Variants in ZNF678 observed in about 807,000 individuals in gnomAD.
The protein encoded by ZNF678 is hypothetical protein MGC42493.
In ZNF678, 5 loss-of-function variants were observed where a neutral mutation model predicts 3.0. The observed-to-expected ratio is 1.69, with a 90% CI of 0.88 to 3.56. The LOEUF is 3.56. ZNF678 is among the 30% of genes most tolerant of loss of function. The pLI, the probability that ZNF678 is intolerant of heterozygous loss-of-function variation, is 0.00. For synonymous variants in ZNF678, 218 were observed against 199.6 expected (o/e 1.09, Z -0.78); for missense variants, 593 against 605.0 (o/e 0.98, Z 0.21).
chr1:227,579,411 G>A (rs1416315378), intron 1 of ZNF678, among the ~76,000 whole-genome samples: 1 of 152,106 alleles, frequency 6.6e-6, no homozygotes, highest in African/African-American at 2.4e-5. Flanking sequence ...TTAGTGCAAG[G>A]GTGGGGTGCT....
chr1:227,586,060 C>T (rs529484670), intron 1 of ZNF678, among the ~76,000 whole-genome samples: 8 of 152,000 alleles, frequency 5.3e-5, no homozygotes, highest in Non-Finnish European at 8.8e-5. Flanking sequence ...AGATGATTTG[C>T]GCTACAGGTC....
intron 1 of ZNF678, among the ~76,000 whole-genome samples, chr1:227,645,354 T>C (rs930216868): frequency 4.6e-5 from 7 of 152,214 alleles, no homozygotes; most frequent in Admixed American, 3.3e-4. Flanking sequence ...GGGTCAGCTG[T>C]TTCTCCAGAA....
chr1:227,603,953 G>T (rs1245603338), intron 1 of ZNF678, among the ~76,000 whole-genome samples: 1 of 152,128 alleles, frequency 6.6e-6, no homozygotes, highest in African/African-American at 2.4e-5. Flanking sequence ...TCAGTCTTTT[G>T]CTTCTGGTTT....
At chr1:227,670,997 A>G (rs897504523) in intron 5 of ZNF678, among the ~76,000 whole-genome samples, 1 of 138,730 alleles carries the variant, frequency 7.2e-6, no homozygotes, top group Non-Finnish European at 1.5e-5. Flanking sequence ...CAGCATTTTC[A>G]TATTTGTAGA....
chr1:227,571,116 T>C (rs1385060853), intron 1 of ZNF678, among the ~76,000 whole-genome samples: 1 of 152,228 alleles, frequency 6.6e-6, no homozygotes, highest in East Asian at 1.9e-4. Context: ...AAAATAATAG[T>C]ATCAATGTAT....
At chr1:227,666,968 C>A (rs924143750), downstream of ZNF678, among the ~76,000 whole-genome samples, 3 of 151,622 alleles carry the variant, frequency 2.0e-5, no homozygotes, top group Non-Finnish European at 4.4e-5. Context: ...TGGTCTTGAA[C>A]TCCAGACCTC....
chr1:227,619,285 A>G (rs1214546026), intron 1 of ZNF678, among the ~76,000 whole-genome samples: 1 of 152,148 alleles, frequency 6.6e-6, no homozygotes, highest in African/African-American at 2.4e-5. Context: ...AAACAGTAAA[A>G]TGTTTCTGTT....
intron 1 of ZNF678, among the ~76,000 whole-genome samples, chr1:227,630,256 C>T (rs957740759): frequency 7.9e-5 from 12 of 152,314 alleles, no homozygotes; most frequent in East Asian, 1.9e-4. Flanking sequence ...AATTCTTAGG[C>T]TTCTTCCTAG....
At position 227,655,541 on chromosome 1, in the gene ZNF678, A is replaced by G. The variant is rs149486571; in HGVS notation, c.1291A>G (p.Lys431Glu). 31 of 1,612,594 alleles carry G rather than the reference A, an allele frequency of 1.9e-5. No individual in the cohort carries two copies. The highest frequency in any genetic ancestry group is 2.5e-5 in the Non-Finnish European group (29 of 1,179,410). The change falls in exon 4 of 4, where the codon AAA (lysine) becomes GAA (glutamate). Residue 431 changes from lysine (K) to glutamate (E), a missense_variant. Physicochemically the swap from Lys to Glu is moderately conservative, Grantham distance 56 (BLOSUM62 1). Coordinates refer to ENST00000343776, the MANE Select transcript of ZNF678 (RefSeq NM_001367909.1). ...TSHKRIHTGE[K>E]PYKCKECGKA... ...CCATAAGAGAATTCATACTGGAGAG[A>G]AACCCTACAAATGTAAAGAATGTGG...
intron 1 of ZNF678, among the ~76,000 whole-genome samples, chr1:227,623,808 T>C (rs1658341988): frequency 6.6e-6 from 1 of 152,194 alleles, no homozygotes; most frequent in Non-Finnish European, 1.5e-5. Context: ...GAGCTTTTAT[T>C]CTCCGTGGAA....
chr1:227,655,281 C>T lies in ZNF678; in HGVS notation c.1031C>T (p.Thr344Ile), dbSNP rs1043997676. Reference sequence around the variant, plus strand: ...CTAAGTAGCCATAAGAGAATTCATACTGGAGAGAAACCCTACAAATGTGAA... The same window carrying T: ...CTAAGTAGCCATAAGAGAATTCATATTGGAGAGAAACCCTACAAATGTGAA... ...SHLSSHKRIH[T>I]GEKPYKCEEC... Residue 344 changes from threonine (T) to isoleucine (I), a missense_variant, in exon 4 of 4, where the codon ACT becomes ATT. Physicochemically the swap from Thr to Ile is moderately conservative, Grantham distance 89 (BLOSUM62 -1). Coordinates refer to ENST00000343776, the MANE Select transcript of ZNF678 (RefSeq NM_001367909.1). 6.2e-7 allele frequency: 1 copy of T among 1,611,196 alleles called. No individual in the cohort carries two copies. Among genetic ancestry groups the T allele is most frequent in the East Asian group, 2.2e-5 (1 of 44,800 alleles).
At position 227,654,880 on chromosome 1, in the gene ZNF678, A is replaced by C. The variant is rs1272901699; in HGVS notation, c.630A>C (p.Pro210=). 1 of 1,608,758 alleles carries C rather than the reference A, an allele frequency of 6.2e-7. No homozygotes were observed. The highest frequency in any genetic ancestry group is 8.5e-7 in the Non-Finnish European group (1 of 1,179,050). The change falls in exon 4 of 4, where the codon CCA becomes CCC. Residue 210 remains proline (P), a synonymous_variant. Transcript: ENST00000343776. Reference sequence around the variant, plus strand: ...TTCATAGTGGAGAGAAACCATACCCATGTGAAGAATGTGGCAAAGCCTTTA... The same window carrying C: ...TTCATAGTGGAGAGAAACCATACCCCTGTGAAGAATGTGGCAAAGCCTTTA... ...KKIHSGEKPY[P]CEECGKAFTQ... is the part of the protein sequence containing the mutation.
chr1:227,574,329 T>C (rs905755502), intron 1 of ZNF678, among the ~76,000 whole-genome samples: 2 of 152,176 alleles, frequency 1.3e-5, no homozygotes, highest in African/African-American at 4.8e-5. Flanking sequence ...CGTGCCAGCA[T>C]TTGTTACTTT....
intron 1 of ZNF678, among the ~76,000 whole-genome samples, chr1:227,613,286 T>G (rs189209403): frequency 1.3e-5 from 2 of 152,302 alleles, no homozygotes; most frequent in Admixed American, 6.5e-5. Flanking sequence ...GACCACAGGA[T>G]TTTGACACTG....
At position 227,655,492 on chromosome 1, in the gene ZNF678, T is replaced by G; in HGVS notation, c.1242T>G (p.Phe414Leu). The change falls in exon 4 of 4, where the codon TTT becomes TTG. Residue 414 changes from phenylalanine to leucine, a missense_variant. By Grantham distance (22) the Phe-to-Leu change is conservative. Coordinates refer to ENST00000343776, the MANE Select transcript of ZNF678 (RefSeq NM_001367909.1). ...PYKCEECGKVFKQCSHLTSHK... is the reference protein window; with the variant it reads ...PYKCEECGKVLKQCSHLTSHK... ...AATGTGAAGAATGTGGGAAAGTTTTTAAACAGTGCTCTCACCTAACTAGCC... is the reference window on the plus strand; with the variant it reads ...AATGTGAAGAATGTGGGAAAGTTTTGAAACAGTGCTCTCACCTAACTAGCC... 6.2e-7 allele frequency: 1 copy of G among 1,612,500 alleles called. No individual in the cohort carries two copies. Among genetic ancestry groups the G allele is most frequent in the Non-Finnish European group, 8.5e-7 (1 of 1,179,294 alleles).
chr1:227,596,680 GCTGAATT>G (rs1296415887), intron 1 of ZNF678, among the ~76,000 whole-genome samples: 2 of 151,556 alleles, frequency 1.3e-5, no homozygotes, highest in Non-Finnish European at 2.9e-5. Flanking sequence ...TCTTATTTCT[GCTGAATT>G]CTTTACTAGG....
intron 2 of ZNF678, among the ~76,000 whole-genome samples, chr1:227,648,592 C>T (rs1659014356): frequency 6.6e-6 from 1 of 152,074 alleles, no homozygotes; most frequent in South Asian, 2.1e-4. Flanking sequence ...CCAAGGTGCG[C>T]AGATCACTTG....
chr1:227,577,180 A>G (rs1223795236), intron 1 of ZNF678, among the ~76,000 whole-genome samples: 1 of 152,194 alleles, frequency 6.6e-6, no homozygotes, highest in Non-Finnish European at 1.5e-5. Flanking sequence ...ATTTTACAGT[A>G]TGTGCCATGT....
At chr1:227,620,671 T>C (rs1168246080) in intron 1 of ZNF678, among the ~76,000 whole-genome samples, 1 of 151,964 alleles carries the variant, frequency 6.6e-6, no homozygotes, top group Non-Finnish European at 1.5e-5. Flanking sequence ...CAACACAGAG[T>C]GAGATGGTAA....
Sources: allele counts gnomAD v4.1 joint callset (sites outside exome capture counted in the v4.1 genomes callset), GRCh38; gene constraint gnomAD v4.1.1; transcripts MANE v1.5; gene names NCBI Gene and HGNC (gene_info 2026-07-23, HGNC 2026-07-21).